PAF1: variants seen among roughly 807,000 people sequenced by gnomAD.
The protein encoded by PAF1 is PAF1 component of Paf1/RNA polymerase II complex.
A neutral mutation model predicts 68.4 loss-of-function variants in PAF1; 31 were observed. The observed-to-expected ratio is 0.45, with a 90% CI of 0.34 to 0.61. The LOEUF is 0.61. Ranked by LOEUF, PAF1 falls within the 20% of genes least tolerant of loss-of-function variation. The probability of loss-of-function intolerance (pLI) is 0.01; values close to 1 mark genes in which losing one functional copy is unlikely to be tolerated. For missense variants in PAF1, 435 were observed against 692.9 expected (o/e 0.63, Z 4.18); for synonymous variants, 256 against 240.5 (o/e 1.06, Z -0.60).
Position 39,390,917 on chromosome 19 carries a change from C to G in PAF1, c.-53G>C, listed in dbSNP as rs1473430982. The G allele has an allele frequency of 6.5e-7, 1 of 1,530,704 alleles. No individual in the cohort carries two copies. The highest frequency in any genetic ancestry group is 8.9e-7 in the Non-Finnish European group (1 of 1,129,738). 94.8% of individuals were successfully genotyped at this position (1,530,704 alleles called of 1,614,324 possible). The stretch of plus-strand genomic sequence containing the variant: ...GGGTCCTAGCGGGACCGAAGGGGGA[C>G]GCAGAGGGGCGTGCCGACTTCAGGG... On this transcript the variant is annotated 5_prime_UTR_variant, in exon 1 of 14. Transcript: ENST00000221265.
chr19:39,389,050 G>A lies in PAF1; in HGVS notation c.568-35C>T. ...CAAAAACAAGGTGAGGAGGAGCTCT[G>A]CAGCCGCACCCTTGCCTCTCCCCAT... is the stretch of plus-strand genomic sequence containing the variant. On this transcript the variant is annotated intron_variant, in intron 7 of 13. Coordinates refer to ENST00000221265, the MANE Select transcript of PAF1 (RefSeq NM_019088.4). This position sits in a 1 kb window ranked among gnomAD's most constrained non-coding sequence, Gnocchi z 5.3. 1 of 1,612,694 alleles carries A rather than the reference G, an allele frequency of 6.2e-7. No individual in the cohort carries two copies. The highest frequency in any genetic ancestry group is 1.1e-5 in the South Asian group (1 of 91,056).
In PAF1 at chr19:39,390,983, C is replaced by A. The variant is rs1431390449; in HGVS notation, c.-119G>T. ...GAAGGCCCAGCTTGGCGCCGCTCCC[C>A]GCGGAAAGTGGGTTGAGATGAGGTG... On this transcript the variant is annotated 5_prime_UTR_variant, in exon 1 of 14. Transcript: ENST00000221265. 9.6e-7 allele frequency: 1 copy of A among 1,046,396 alleles called. No individual in the cohort carries two copies. Among genetic ancestry groups the A allele is most frequent in the Non-Finnish European group, 1.4e-6 (1 of 726,650 alleles). The allele number at this position is 1,046,396 out of a possible 1,614,324, so 64.8% of individuals were successfully genotyped here.
In PAF1 at chr19:39,390,837, G is replaced by A. The variant is rs1396158186; in HGVS notation, c.28C>T (p.Gln10Ter). ...GCCTACCTGTGGCCATCCTCCCGCT[G>A]GGCCTGGGTCTGGATGGTGGGCGCC... is the stretch of plus-strand genomic sequence containing the variant. MAPTIQTQA[Q>*]REDGHRPNSH... is the part of the protein sequence containing the mutation. Residue 10 changes from glutamine (Q) to a stop codon, truncating the protein, a stop_gained, in exon 1 of 14, where the codon CAG (glutamine) becomes TAG (stop). Coordinates refer to ENST00000221265, the MANE Select transcript of PAF1 (RefSeq NM_019088.4). LOFTEE classifies it high-confidence loss of function. 7 of 1,587,724 alleles carry A rather than the reference G, an allele frequency of 4.4e-6. No homozygotes were observed. The highest frequency in any genetic ancestry group is 6.0e-6 in the Non-Finnish European group (7 of 1,166,944).
rs750092530 is a variant in PAF1 at position 39,390,054 on chromosome 19, ATTCC to A, written c.170+11_170+14del. 13 of 1,602,228 alleles carry A rather than the reference ATTCC, an allele frequency of 8.1e-6. No individual in the cohort carries two copies. Among genetic ancestry groups the A allele is most frequent in the South Asian group, 1.1e-5 (1 of 90,846 alleles). On this transcript the variant is annotated intron_variant, in intron 3 of 13. Coordinates refer to ENST00000221265, the MANE Select transcript of PAF1 (RefSeq NM_019088.4). Reference sequence around the variant, plus strand: ...GAACTCATACCTGAGTAGTTTTCCCATTCCTTAGTCTCACCTGTTCTGGTCGAAG... The same window carrying A: ...GAACTCATACCTGAGTAGTTTTCCCATTAGTCTCACCTGTTCTGGTCGAAG...
chr19:39,390,384 T>C (rs1440040360), intron 1 of PAF1, 95 bp from the exon 2 acceptor site: 2 of 1,129,860 alleles, frequency 1.8e-6, no homozygotes, highest in Non-Finnish European at 2.6e-6. Flanking sequence ...GTAGGAGGGG[T>C]GACAAATGCT....
chr19:39,390,317 G>A (rs913386251), intron 1 of PAF1, 28 bp from the exon 2 acceptor site: 2 of 1,600,638 alleles, frequency 1.2e-6, no homozygotes, highest in Non-Finnish European at 1.7e-6. Context: ...AACAGTGATA[G>A]GTGGAGAGGA....
At position 39,389,715 on chromosome 19, in the gene PAF1, C is replaced by G; in HGVS notation, c.217G>C (p.Asp73His). The change falls in exon 4 of 14, where the codon GAC becomes CAC. Residue 73 changes from aspartate to histidine, a missense_variant. Around this residue, in one of 7 missense-constraint regions of PAF1, gnomAD observed 77 missense variants for 118.2 expected, o/e 0.65. Transcript: ENST00000221265. This position sits in a 1 kb window ranked among gnomAD's most constrained non-coding sequence, Gnocchi z 5.3. ...CCCAGGTCTGGCTCAGTCAGGAGGT[C>G]ATGTTTGTGCTGTTTCTCCAAGGAA... ...ATSLEKQHKH[D>H]LLTEPDLGVT... 1 of 1,614,106 alleles carries G rather than the reference C, an allele frequency of 6.2e-7. No homozygotes were observed.
In PAF1 at chr19:39,386,090, G is replaced by A. The variant is rs371726994; in HGVS notation, c.1497C>T (p.Ser499=). 77 of 1,613,996 alleles carry A rather than the reference G, an allele frequency of 4.8e-5. No homozygotes were observed. Among genetic ancestry groups the A allele is most frequent in the African/African-American group, 9.3e-5 (7 of 75,028 alleles). Residue 499 remains serine, a synonymous_variant, in exon 14 of 14, where the codon AGC becomes AGT. Coordinates refer to ENST00000221265, the MANE Select transcript of PAF1 (RefSeq NM_019088.4). This position sits in a 1 kb window ranked among gnomAD's most constrained non-coding sequence, Gnocchi z 6.1. ...CGCTGCCACTGGGGAAGGGACTGGCGCTGCGGCTGTGGCTCCGGCTCCGCT... is the reference window on the plus strand; with the variant it reads ...CGCTGCCACTGGGGAAGGGACTGGCACTGCGGCTGTGGCTCCGGCTCCGCT... ...GGQRSRSHSR[S]ASPFPSGSEH...
Position 39,386,382 on chromosome 19 carries a change from C to T in PAF1, c.1205G>A (p.Ser402Asn). Reference protein sequence around the residue: ...GGSDEEQEKGSSSEKEGSEDE... With the variant: ...GGSDEEQEKGNSSEKEGSEDE... ...TTCACTGCCCTCCTTCTCACTGCTG[C>T]TGCCCTTCTCCTGCTCCTCATCTGG... is the stretch of plus-strand genomic sequence containing the variant. The change falls in exon 14 of 14, where the codon AGC becomes AAC. Residue 402 changes from serine (S) to asparagine (N), a missense_variant. Coordinates refer to ENST00000221265, the MANE Select transcript of PAF1 (RefSeq NM_019088.4). The surrounding 1 kb of genome is among the most constrained non-coding windows in gnomAD (Gnocchi z 6.1). The T allele has an allele frequency of 6.2e-7, 1 of 1,614,194 alleles. No homozygotes were observed. Among genetic ancestry groups the T allele is most frequent in the African/African-American group, 1.3e-5 (1 of 75,056 alleles).
At chr19:39,387,050 C>T (rs976282094) in intron 11 of PAF1, 2 of 569,690 alleles carry the variant, frequency 3.5e-6, no homozygotes, top group Non-Finnish European at 6.4e-6. Context: ...GGTGTATTTA[C>T]ATAAATACGG....
At position 39,389,083 on chromosome 19, in the gene PAF1, C is replaced by T. The variant is rs1053254562; in HGVS notation, c.567+10G>A. 4 of 1,612,070 alleles carry T rather than the reference C, an allele frequency of 2.5e-6. No homozygotes were observed. The highest frequency in any genetic ancestry group is 1.1e-5 in the South Asian group (1 of 91,052). ...ACCCTTGCCTCTCCCCATCCCAGTC[C>T]CTCAATTACTGATTTCTGGGCATCC... On this transcript the variant is annotated intron_variant, in intron 7 of 13. Transcript: ENST00000221265. The surrounding 1 kb of genome is among the most constrained non-coding windows in gnomAD (Gnocchi z 5.3).
chr19:39,387,859 TG>T (rs2078287222), intron 11 of PAF1, among the ~76,000 whole-genome samples: 1 of 152,196 alleles, frequency 6.6e-6, no homozygotes, highest in Non-Finnish European at 1.5e-5. Flanking sequence ...ATATTCTGGC[TG>T]GGCGTGGTGG....
At chr19:39,388,093 A>T (rs2078292498) in intron 11 of PAF1, among the ~76,000 whole-genome samples, 1 of 152,166 alleles carries the variant, frequency 6.6e-6, no homozygotes, top group Non-Finnish European at 1.5e-5. Flanking sequence ...GTGGGCTGAG[A>T]TCACACCACT....
Position 39,390,156 on chromosome 19 carries a change from C to A in PAF1, c.83G>T (p.Gly28Val). The change falls in exon 3 of 14, where the codon GGA (glycine) becomes GTA (valine). Residue 28 changes from glycine (G) to valine (V), a missense_variant. Around this residue, in one of 7 missense-constraint regions of PAF1, gnomAD observed 77 missense variants for 118.2 expected, o/e 0.65. Coordinates refer to ENST00000221265, the MANE Select transcript of PAF1 (RefSeq NM_019088.4). ...NSHRTLPERSGVVCRVKYCNS... is the reference protein window; with the variant it reads ...NSHRTLPERSVVVCRVKYCNS... ...GCAGTACTTGACTCGGCAGACCACT[C>A]CAGACCTAGGAACATTAGTGGCTCA... is the stretch of plus-strand genomic sequence containing the variant. 6.2e-7 allele frequency: 1 copy of A among 1,613,930 alleles called. No individual in the cohort carries two copies. The highest frequency in any genetic ancestry group is 8.5e-7 in the Non-Finnish European group (1 of 1,179,838).
chr19:39,386,709 C>T lies in PAF1; in HGVS notation c.1077G>A (p.Lys359=). 2 of 1,613,568 alleles carry T rather than the reference C, an allele frequency of 1.2e-6. No individual in the cohort carries two copies. The highest frequency in any genetic ancestry group is 1.7e-6 in the Non-Finnish European group (2 of 1,179,464). ...TGCTTGTTACCTGAGCTTCCAGTTC[C>T]TTCTCATTCATGTCCCGATGTTTGA... The part of the protein sequence containing the change: ...LVVKHRDMNE[K]ELEAQEARKA... The change falls in exon 12 of 14, where the codon AAG becomes AAA. Residue 359 remains lysine, a synonymous_variant. Transcript: ENST00000221265. This position sits in a 1 kb window ranked among gnomAD's most constrained non-coding sequence, Gnocchi z 6.1.
chr19:39,386,403 T>A lies in PAF1; in HGVS notation c.1184A>T (p.Asp395Val). ...ETEEKEAGGS[D>V]EEQEKGSSSE... ...GCTGCTGCCCTTCTCCTGCTCCTCA[T>A]CTGGAAGGGAGTGGAGAGAGATGAA... Residue 395 changes from aspartate to valine, a missense_variant and splice_region_variant, in exon 14 of 14, where the codon GAT (aspartate) becomes GTT (valine). This residue lies in a region of PAF1 where 78 missense variants were observed against 80.6 expected (regional missense o/e 0.97). Transcript: ENST00000221265. This position sits in a 1 kb window ranked among gnomAD's most constrained non-coding sequence, Gnocchi z 6.1. 6.2e-7 allele frequency: 1 copy of A among 1,614,088 alleles called. No homozygotes were observed. The highest frequency in any genetic ancestry group is 8.5e-7 in the Non-Finnish European group (1 of 1,179,972).
rs1432235388 is a variant in PAF1, at chr19:39,390,998, G to C, written c.-134C>G. ...CGCCGCTCCCCGCGGAAAGTGGGTTGAGATGAGGTGGGCGGGCGAGAAGAG... is the reference window on the plus strand; with the variant it reads ...CGCCGCTCCCCGCGGAAAGTGGGTTCAGATGAGGTGGGCGGGCGAGAAGAG... On this transcript the variant is annotated 5_prime_UTR_variant, in exon 1 of 14. Coordinates refer to ENST00000221265, the MANE Select transcript of PAF1 (RefSeq NM_019088.4). 1 of 862,080 alleles carries C rather than the reference G, an allele frequency of 1.2e-6. No individual in the cohort carries two copies. The highest frequency in any genetic ancestry group is 2.7e-5 in the East Asian group (1 of 37,424). 53.4% of individuals were successfully genotyped at this position (862,080 alleles called of 1,614,324 possible). A position where few individuals can be genotyped will look rare whatever the true frequency, so the allele number is the denominator to read the frequency against.
rs983271428 is a variant in PAF1, at chr19:39,385,817, G to A, written c.*174C>T. The A allele has an allele frequency of 3.1e-6, 3 of 973,220 alleles. No homozygotes were observed. The African/African-American group carries it at 4.9e-5, about 16-fold the overall frequency. 60.3% of individuals were successfully genotyped at this position (973,220 alleles called of 1,614,324 possible). Reference sequence around the variant, plus strand: ...CTGGGGGTTGCGGGAGGTATGTGCTGGGCTGAATGACATCATAGGGGCTGG... The same window carrying A: ...CTGGGGGTTGCGGGAGGTATGTGCTAGGCTGAATGACATCATAGGGGCTGG... On this transcript the variant is annotated 3_prime_UTR_variant, in exon 14 of 14. Coordinates refer to ENST00000221265, the MANE Select transcript of PAF1 (RefSeq NM_019088.4).
chr19:39,386,930 A>G lies in PAF1; in HGVS notation c.987-131T>C. ...CAATACTTAGAGTAAATGGGAATAA[A>G]TACAGATTGAATAAGGGCAGCTAAG... On this transcript the variant is annotated intron_variant, in intron 11 of 13. Coordinates refer to ENST00000221265, the MANE Select transcript of PAF1 (RefSeq NM_019088.4). The surrounding 1 kb of genome is among the most constrained non-coding windows in gnomAD (Gnocchi z 6.1). 1.5e-6 allele frequency: 1 copy of G among 665,194 alleles called. No individual in the cohort carries two copies. The highest frequency in any genetic ancestry group is 2.7e-6 in the Non-Finnish European group (1 of 367,480). 41.2% of individuals were successfully genotyped at this position (665,194 alleles called of 1,614,324 possible).
Sources: allele counts gnomAD v4.1 joint callset (sites outside exome capture counted in the v4.1 genomes callset), GRCh38; gene constraint gnomAD v4.1.1; regional missense constraint gnomAD v4.1.1; non-coding constraint Gnocchi (gnomAD v3.1); transcripts MANE v1.5; gene names NCBI Gene and HGNC (gene_info 2026-07-23, HGNC 2026-07-21).